The following VGLL2 variants were observed in gnomAD, a reference collection of about 807,000 sequenced individuals.
VGLL2 encodes transcription cofactor vestigial-like protein 2.
In VGLL2, 18 loss-of-function variants were observed where a neutral mutation model predicts 27.0. That is an observed-to-expected ratio of 0.67 (90% CI 0.46 to 0.99). VGLL2 has a LOEUF of 0.99. Ranked by LOEUF, VGLL2 falls within the 50% of genes least tolerant of loss-of-function variation. The pLI, the probability that VGLL2 is intolerant of heterozygous loss-of-function variation, is 0.00. For missense variants in VGLL2, 491 were observed against 452.3 expected, an observed-to-expected ratio of 1.09 and a Z score of -0.78; for synonymous variants, 220 against 201.1, an observed-to-expected ratio of 1.09 and a Z score of -0.80.
At chr6:117,270,502 C>T in intron 2 of VGLL2, 41 bp from the exon 3 acceptor site, 1 of 1,538,778 alleles carries the variant, frequency 6.5e-7, no homozygotes, top group Non-Finnish European at 8.7e-7. Flanking sequence ...ACACGCACCT[C>T]TTTTCCTTTC....
At chr6:117,272,356 G>T (rs1449785371) in intron 3 of VGLL2, 98 bp from the exon 4 acceptor site, 17 of 1,607,290 alleles carry the variant, frequency 1.1e-5, no homozygotes, top group Middle Eastern at 1.7e-4. Flanking sequence ...GTTTTAGACC[G>T]CCCACCTTCT....
chr6:117,269,629 C>T (rs1037078705), intron 2 of VGLL2, among the ~76,000 whole-genome samples: 1 of 152,174 alleles, frequency 6.6e-6, no homozygotes, highest in Non-Finnish European at 1.5e-5. Context: ...AGATGCCTTC[C>T]ACAGAGGAGG....
chr6:117,266,388 C>G (rs1487705574), intron 1 of VGLL2, among the ~76,000 whole-genome samples: 1 of 152,206 alleles, frequency 6.6e-6, no homozygotes, highest in Non-Finnish European at 1.5e-5. Context: ...GAATTCATTT[C>G]AAAGAGCACC....
At chr6:117,268,108 T>C (rs1773105396) in intron 1 of VGLL2, 74 bp from the exon 2 acceptor site, 1 of 1,432,934 alleles carries the variant, frequency 7.0e-7, no homozygotes, top group Non-Finnish European at 9.6e-7. Flanking sequence ...GAGATTAGGA[T>C]GAGGGAATCA....
intron 3 of VGLL2, 85 bp from the exon 4 acceptor site, chr6:117,272,369 C>T: frequency 6.2e-7 from 1 of 1,611,568 alleles, no homozygotes; most frequent in Non-Finnish European, 8.5e-7. Context: ...CACCTTCTTC[C>T]CTGTAGGTCT....
chr6:117,270,953 G>A lies in VGLL2; in HGVS notation c.802G>A (p.Glu268Lys). 4.8e-6 allele frequency: 6 copies of A among 1,237,714 alleles called. No individual in the cohort carries two copies. The highest frequency in any genetic ancestry group is 6.0e-6 in the Non-Finnish European group (6 of 995,420). 76.7% of individuals were successfully genotyped at this position (1,237,714 alleles called of 1,614,324 possible). A position where few individuals can be genotyped will look rare whatever the true frequency, so the allele number is the denominator to read the frequency against. Residue 268 changes from glutamate to lysine, a missense_variant, in exon 3 of 4, where the codon GAG becomes AAG. Coordinates refer to ENST00000326274, the MANE Select transcript of VGLL2 (RefSeq NM_182645.3). ...PAPAPGSPPC[E>K]LSGKGEPAGA... is the part of the protein sequence containing the mutation. Reference sequence around the variant, plus strand: ...GCCCGCGCCCGGCAGTCCTCCCTGCGAGCTCTCCGGCAAAGGCGAGCCGGC... The same window carrying A: ...GCCCGCGCCCGGCAGTCCTCCCTGCAAGCTCTCCGGCAAAGGCGAGCCGGC...
At position 117,270,431 on chromosome 6, in the gene VGLL2, C is replaced by G. The variant is rs539128040; in HGVS notation, c.392-112C>G. Reference sequence around the variant, plus strand: ...GGCCATGGCTAGCCAGCCCTGTGCCCGCCCGGCGCCTTCGTCTCTCGGGCG... The same window carrying G: ...GGCCATGGCTAGCCAGCCCTGTGCCGGCCCGGCGCCTTCGTCTCTCGGGCG... On this transcript the variant is annotated intron_variant, in intron 2 of 3. Coordinates refer to ENST00000326274, the MANE Select transcript of VGLL2 (RefSeq NM_182645.3). 25 of 1,359,540 alleles carry G rather than the reference C, an allele frequency of 1.8e-5. 1 individual carries two copies. The South Asian group carries it at 3.5e-4, about 19-fold the overall frequency. 84.2% of individuals were successfully genotyped at this position (1,359,540 alleles called of 1,614,324 possible). A position where few individuals can be genotyped will look rare whatever the true frequency, so the allele number is the denominator to read the frequency against.
At chr6:117,269,441 T>TC (rs1562231233) in intron 2 of VGLL2, among the ~76,000 whole-genome samples, 1 of 152,164 alleles carries the variant, frequency 6.6e-6, no homozygotes, top group Non-Finnish European at 1.5e-5. Context: ...CCCCCTTTTT[T>TC]CCCCCTTAAG....
intron 1 of VGLL2, among the ~76,000 whole-genome samples, chr6:117,267,752 T>C (rs1773097126): frequency 6.6e-6 from 1 of 152,262 alleles, no homozygotes; most frequent in African/African-American, 2.4e-5. Flanking sequence ...CCTGTGCTTC[T>C]GCCCTGGATT....
At chr6:117,266,711 TA>T (rs1329073811) in intron 1 of VGLL2, among the ~76,000 whole-genome samples, 8 of 152,168 alleles carry the variant, frequency 5.3e-5, no homozygotes, top group Non-Finnish European at 8.8e-5. Flanking sequence ...AATGAAATCA[TA>T]CACCTGGGAG....
At chr6:117,265,923 G>T in intron 1 of VGLL2, 79 bp downstream of exon 1, 1 of 1,335,240 alleles carries the variant, frequency 7.5e-7, no homozygotes, top group Non-Finnish European at 1.1e-6. Flanking sequence ...GCCAAGGTCT[G>T]CTGTGCCTCC....
At chr6:117,270,429 C>T (rs1773160278) in intron 2 of VGLL2, 114 bp from the exon 3 acceptor site, 3 of 1,351,742 alleles carry the variant, frequency 2.2e-6, no homozygotes, top group African/African-American at 3.1e-5. Context: ...CAGCCCTGTG[C>T]CCGCCCGGCG....
Position 117,265,679 on chromosome 6 carries a change from C to A in VGLL2, c.-85C>A. 1 of 1,215,942 alleles carries A rather than the reference C, an allele frequency of 8.2e-7. No homozygotes were observed. The highest frequency in any genetic ancestry group is 1.2e-6 in the Non-Finnish European group (1 of 830,330). 75.3% of individuals were successfully genotyped at this position (1,215,942 alleles called of 1,614,324 possible). ...CGCCTGATGACTCCAGAGCGCGGGT[C>A]CAAGCGCCGCCCATGCAGCACCCCT... On this transcript the variant is annotated 5_prime_UTR_variant, in exon 1 of 4. Transcript: ENST00000326274.
chr6:117,266,641 A>G (rs1464472766), intron 1 of VGLL2, among the ~76,000 whole-genome samples: 1 of 152,040 alleles, frequency 6.6e-6, no homozygotes. Flanking sequence ...TGTTTGAACC[A>G]TTTTCCTTCC....
Position 117,270,771 on chromosome 6 carries a change from C to T in VGLL2, c.620C>T (p.Pro207Leu). The part of the protein sequence containing the change: ...AHPHHAHPHH[P>L]YALGGALGAQ... ...CCGCACCACGCGCACCCGCATCACC[C>T]CTACGCCCTGGGCGGCGCCCTCGGC... Residue 207 changes from proline to leucine, a missense_variant, in exon 3 of 4, where the codon CCC becomes CTC. Transcript: ENST00000326274. The T allele has an allele frequency of 6.8e-7, 1 of 1,473,214 alleles. No individual in the cohort carries two copies. The highest frequency in any genetic ancestry group is 1.3e-5 in the South Asian group (1 of 77,712). The allele number at this position is 1,473,214 out of a possible 1,614,324, so 91.3% of individuals were successfully genotyped here.
chr6:117,266,146 T>C (rs1402676800), intron 1 of VGLL2, among the ~76,000 whole-genome samples: 1 of 152,180 alleles, frequency 6.6e-6, no homozygotes, highest in Non-Finnish European at 1.5e-5. Context: ...TCTGTCGGAC[T>C]CCAGATTCTT....
chr6:117,268,082 C>T, intron 1 of VGLL2, 100 bp from the exon 2 acceptor site: 1 of 1,255,464 alleles, frequency 8.0e-7, no homozygotes, highest in Non-Finnish European at 1.1e-6. Context: ...ATGCCAGTTT[C>T]CCCATAAATA....
At chr6:117,272,183 C>A in intron 3 of VGLL2, 2 of 385,186 alleles carry the variant, frequency 5.2e-6, no homozygotes, top group Non-Finnish European at 7.0e-6. Context: ...CTCCCTTTGT[C>A]TTCCTCCTCC....
Position 117,265,571 on chromosome 6 carries a change from A to G in VGLL2, c.-193A>G. The stretch of plus-strand genomic sequence containing the variant: ...GGGAGCTCAGGCGCTTCTGCCCTGG[A>G]GCGCGGTCGGGAGTAAAATCGCAGG... On this transcript the variant is annotated 5_prime_UTR_variant, in exon 1 of 4. Transcript: ENST00000326274. 1 of 573,446 alleles carries G rather than the reference A, an allele frequency of 1.7e-6. No individual in the cohort carries two copies. The highest frequency in any genetic ancestry group is 2.0e-5 in the South Asian group (1 of 49,932). 35.5% of individuals were successfully genotyped at this position (573,446 alleles called of 1,614,324 possible).
Sources: gnomAD v4.1 joint callset for allele counts (sites outside exome capture counted in the v4.1 genomes callset) on GRCh38, gnomAD v4.1.1 for gene constraint, MANE v1.5 for transcripts, NCBI Gene and HGNC (gene_info 2026-07-23, HGNC 2026-07-21) for gene names.